FHIP1A: variants seen among roughly 807,000 people sequenced by gnomAD.
FHIP1A encodes the protein FHF complex subunit HOOK-interacting protein 1A.
Under a neutral mutation model 88.6 loss-of-function variants are expected in FHIP1A, and 61 were observed. The observed-to-expected ratio is 0.69, with a 90% confidence interval of 0.56 to 0.85. The LOEUF (loss-of-function observed/expected upper bound fraction) is 0.85. Ranked by LOEUF, FHIP1A falls within the 40% of genes least tolerant of loss-of-function variation. The pLI, the probability that FHIP1A is intolerant of heterozygous loss-of-function variation, is 0.00. For synonymous variants in FHIP1A, 478 were observed against 496.0 expected (o/e 0.96, Z 0.48); for missense variants, 1,154 against 1,273.5 (o/e 0.91, Z 1.43).
intron 7 of FHIP1A, among the ~76,000 whole-genome samples, chr4:151,614,235 G>A (rs564897567): frequency 5.3e-5 from 8 of 151,974 alleles, no homozygotes; most frequent in Non-Finnish European, 1.0e-4. Context: ...TTGGGAGGCC[G>A]AGGCAGGAGG....
At chr4:151,421,271 G>A (rs1297418839) in intron 1 of FHIP1A, among the ~76,000 whole-genome samples, 2 of 152,170 alleles carry the variant, frequency 1.3e-5, no homozygotes, top group Non-Finnish European at 1.5e-5. Flanking sequence ...TTTCATATAA[G>A]CACAGTGTGA....
intron 3 of FHIP1A, among the ~76,000 whole-genome samples, chr4:151,513,778 T>C (rs1462230176): frequency 2.6e-5 from 4 of 151,454 alleles, no homozygotes; most frequent in South Asian, 4.2e-4. Flanking sequence ...ATGCACCCAA[T>C]ACAGGAGCAC....
rs541100391 is a variant in FHIP1A, at chr4:151,443,329, AT to A, written c.-355-11366del. Among the ~76,000 whole-genome samples, 368 of 151,964 alleles carry A rather than the reference AT, an allele frequency of 2.4e-3. 1 individual carries two copies. The highest frequency in any genetic ancestry group is 8.5e-3 in the African/African-American group (352 of 41,482). On this transcript the variant is annotated intron_variant, in intron 1 of 13. Coordinates refer to ENST00000435205, the MANE Select transcript of FHIP1A (RefSeq NM_001109977.3). ...AAAGATTCAAGAAGATACTACAACCATTTTTTGAGGATTGATCTTGCTCTGT... is the reference window on the plus strand; with the variant it reads ...AAAGATTCAAGAAGATACTACAACCATTTTTGAGGATTGATCTTGCTCTGT...
chr4:151,457,757 T>A (rs1488947427), intron 2 of FHIP1A, among the ~76,000 whole-genome samples: 1 of 152,160 alleles, frequency 6.6e-6, no homozygotes, highest in Non-Finnish European at 1.5e-5. Context: ...GAGACCTTTT[T>A]TGGAGGGGTG....
intron 7 of FHIP1A, among the ~76,000 whole-genome samples, chr4:151,618,541 G>C (rs1485270876): frequency 6.6e-6 from 1 of 152,226 alleles, no homozygotes; most frequent in Non-Finnish European, 1.5e-5. Context: ...GGTCCTCTAA[G>C]TGTTCCAAAG....
In FHIP1A at chr4:151,663,628, A is replaced by G. The variant is rs1737556694; in HGVS notation, c.*874A>G. ...GTGTTTTATAAAAACAAACTGATTAACTTGTGAAGCCATTTCATAGTGGGT... is the reference window on the plus strand; with the variant it reads ...GTGTTTTATAAAAACAAACTGATTAGCTTGTGAAGCCATTTCATAGTGGGT... On this transcript the variant is annotated 3_prime_UTR_variant, in exon 14 of 14. Coordinates refer to ENST00000435205, the MANE Select transcript of FHIP1A (RefSeq NM_001109977.3). 6.6e-6 allele frequency: 1 copy of G among 152,304 alleles called. No homozygotes were observed. The highest frequency in any genetic ancestry group is 1.9e-4 in the East Asian group (1 of 5,184). 9.4% of individuals were successfully genotyped at this position (152,304 alleles called of 1,614,324 possible).
chr4:151,502,479 T>C (rs972624366), intron 3 of FHIP1A, among the ~76,000 whole-genome samples: 1 of 151,736 alleles, frequency 6.6e-6, no homozygotes, highest in Non-Finnish European at 1.5e-5. Flanking sequence ...AAGTGAAAAA[T>C]TCAGTAGAGG....
At chr4:151,453,040 G>A (rs1263043038) in intron 1 of FHIP1A, among the ~76,000 whole-genome samples, 2 of 148,154 alleles carry the variant, frequency 1.3e-5, no homozygotes, top group African/African-American at 5.0e-5. Context: ...TTTTTGAGAT[G>A]GAGTCTTGCT....
chr4:151,617,286 C>T (rs534969971), intron 7 of FHIP1A, among the ~76,000 whole-genome samples: 4 of 151,644 alleles, frequency 2.6e-5, no homozygotes, highest in Non-Finnish European at 4.4e-5. Context: ...TAAGTTCTAG[C>T]GAATTTGGAA....
intron 3 of FHIP1A, among the ~76,000 whole-genome samples, chr4:151,512,811 C>T (rs186920940): frequency 6.6e-6 from 1 of 152,182 alleles, no homozygotes; most frequent in East Asian, 1.9e-4. Context: ...GTGAAAAGAC[C>T]AAGTCTACCG....
chr4:151,615,637 C>A lies in FHIP1A; in HGVS notation c.979-14065C>A, dbSNP rs185605947. Among the ~76,000 whole-genome samples the A allele has an allele frequency of 1.3e-4, 20 of 152,234 alleles. No homozygotes were observed. The East Asian group carries it at 2.9e-3, about 22-fold the overall frequency. On this transcript the variant is annotated intron_variant, in intron 7 of 13. Coordinates refer to ENST00000435205, the MANE Select transcript of FHIP1A (RefSeq NM_001109977.3). ...AGAATTTTCATCCTCACATAGTCAA[C>A]CTGTTATAATTTAGAGTCTCATCAC...
At chr4:151,475,712 C>G (rs1317663211) in intron 2 of FHIP1A, among the ~76,000 whole-genome samples, 3 of 152,040 alleles carry the variant, frequency 2.0e-5, no homozygotes, top group African/African-American at 7.3e-5. Flanking sequence ...TTAACATGTA[C>G]TTCGTACATA....
intron 2 of FHIP1A, among the ~76,000 whole-genome samples, chr4:151,465,860 G>T (rs1464814390): frequency 6.6e-6 from 1 of 152,118 alleles, no homozygotes; most frequent in African/African-American, 2.4e-5. Context: ...ACTAGGTATT[G>T]GTGGAACATA....
intron 9 of FHIP1A, among the ~76,000 whole-genome samples, chr4:151,643,103 C>T (rs928323134): frequency 6.6e-6 from 1 of 151,780 alleles, no homozygotes; most frequent in Non-Finnish European, 1.5e-5. Flanking sequence ...ATGATAAATA[C>T]CTATACTAAA....
At chr4:151,441,011 T>G (rs1276295699) in intron 1 of FHIP1A, among the ~76,000 whole-genome samples, 2 of 152,132 alleles carry the variant, frequency 1.3e-5, no homozygotes, top group Non-Finnish European at 2.9e-5. Flanking sequence ...CAAATCCAAC[T>G]TTTCTAATTG....
intron 1 of FHIP1A, among the ~76,000 whole-genome samples, chr4:151,410,299 C>A (rs1732568973): frequency 6.6e-6 from 1 of 152,190 alleles, no homozygotes; most frequent in Non-Finnish European, 1.5e-5. Flanking sequence ...GGGAAACCCC[C>A]CTGAAGGGAA....
chr4:151,544,282 T>G (rs1732403707), intron 3 of FHIP1A, among the ~76,000 whole-genome samples: 1 of 152,220 alleles, frequency 6.6e-6, no homozygotes, highest in African/African-American at 2.4e-5. Flanking sequence ...CAAGCTCTGA[T>G]TGTTTTCACT....
At chr4:151,463,796 T>TA (rs1296683446) in intron 2 of FHIP1A, among the ~76,000 whole-genome samples, 1 of 152,166 alleles carries the variant, frequency 6.6e-6, no homozygotes, top group Non-Finnish European at 1.5e-5. Flanking sequence ...GACTGAAAAA[T>TA]ACCCTGGTTT....
intron 1 of FHIP1A, among the ~76,000 whole-genome samples, chr4:151,412,655 C>CT (rs1732709791): frequency 1.9e-5 from 2 of 103,892 alleles, no homozygotes; most frequent in South Asian, 6.7e-4. Flanking sequence ...TGCCTCCCTT[C>CT]TTTCTTTCTT....
Sources: gnomAD v4.1 joint callset for allele counts (sites outside exome capture counted in the v4.1 genomes callset) on GRCh38, gnomAD v4.1.1 for gene constraint, MANE v1.5 for transcripts, NCBI Gene and HGNC (gene_info 2026-07-23, HGNC 2026-07-21) for gene names.